The following DGKB variants were observed in gnomAD, a reference collection of about 807,000 sequenced individuals.
DGKB encodes diacylglycerol kinase beta, also known as 90 kDa diacylglycerol kinase.
A neutral mutation model predicts 114.3 loss-of-function variants in DGKB; 67 were observed. The observed-to-expected ratio is 0.59, with a 90% CI of 0.48 to 0.72. The LOEUF is 0.72. DGKB is among the 30% of genes least tolerant of loss of function. The pLI is 0.00. For synonymous variants in DGKB, 398 were observed against 323.1 expected (o/e 1.23, Z -2.49); for missense variants, 907 against 975.2 (o/e 0.93, Z 0.93).
chr7:14,373,531 C>G (rs1818008955), intron 21 of DGKB, among the ~76,000 whole-genome samples: 2 of 152,140 alleles, frequency 1.3e-5, no homozygotes, highest in Admixed American at 1.3e-4. Flanking sequence ...CTAGTCTCAT[C>G]AAAGCTCTGA....
intron 20 of DGKB, among the ~76,000 whole-genome samples, chr7:14,485,863 C>G (rs1783721619): frequency 6.7e-6 from 1 of 148,752 alleles, no homozygotes; most frequent in Middle Eastern, 3.5e-3. Flanking sequence ...TGCACTCTGG[C>G]CTGGGTAACA....
At chr7:14,491,993 C>T (rs1367013723) in intron 20 of DGKB, among the ~76,000 whole-genome samples, 2 of 152,004 alleles carry the variant, frequency 1.3e-5, no homozygotes, top group African/African-American at 4.8e-5. Context: ...ACTCCCATAA[C>T]ACTAAACTAG....
intron 1 of DGKB, among the ~76,000 whole-genome samples, chr7:14,860,751 GTCTT>G (rs1198514216): frequency 2.0e-5 from 3 of 151,818 alleles, no homozygotes; most frequent in African/African-American, 7.2e-5. Flanking sequence ...CTTGGCTTGA[GTCTT>G]TCCCTAGGGC....
chr7:14,907,951 G>A (rs1032493147), upstream of DGKB, among the ~76,000 whole-genome samples: 19 of 152,262 alleles, frequency 1.2e-4, 1 homozygote, highest in South Asian at 2.3e-3. Context: ...AGCAAAACAC[G>A]ATTTAAAGCA....
At chr7:14,583,199 T>G in intron 17 of DGKB, 62 bp from the exon 18 acceptor site, 1 of 1,010,770 alleles carries the variant, frequency 9.9e-7, no homozygotes. Context: ...TTTTCAGTTT[T>G]GTATCATTAA....
chr7:14,537,598 A>G (rs1166488837), intron 20 of DGKB, among the ~76,000 whole-genome samples: 1 of 152,220 alleles, frequency 6.6e-6, no homozygotes, highest in Non-Finnish European at 1.5e-5. Flanking sequence ...AAAGAATGAA[A>G]TCAGACACTT....
intron 2 of DGKB, among the ~76,000 whole-genome samples, chr7:14,778,783 G>A (rs1295735343): frequency 3.3e-5 from 5 of 152,150 alleles, no homozygotes; most frequent in Admixed American, 6.5e-5. Flanking sequence ...GCACATTTTT[G>A]TGACTTTTAA....
chr7:14,789,226 A>G (rs187744547), intron 2 of DGKB, among the ~76,000 whole-genome samples: 1 of 152,268 alleles, frequency 6.6e-6, no homozygotes, highest in African/African-American at 2.4e-5. Context: ...CAGAATATTG[A>G]CATTGATATG....
intron 21 of DGKB, among the ~76,000 whole-genome samples, chr7:14,465,961 A>T (rs1191021299): frequency 2.0e-5 from 3 of 152,180 alleles, no homozygotes; most frequent in African/African-American, 7.2e-5. Flanking sequence ...TCGGATTTGC[A>T]TGAGTTGGAA....
chr7:14,371,315 T>C (rs1583466498), intron 21 of DGKB, among the ~76,000 whole-genome samples: 2 of 152,302 alleles, frequency 1.3e-5, no homozygotes, highest in Middle Eastern at 6.8e-3. Flanking sequence ...CCCTTTTCTC[T>C]GCAGCCTCAC....
At chr7:14,294,839 A>C (rs1053459722) in intron 23 of DGKB, among the ~76,000 whole-genome samples, 10 of 152,194 alleles carry the variant, frequency 6.6e-5, no homozygotes, top group Admixed American at 3.3e-4. Flanking sequence ...TGAGATAATC[A>C]GATAAGTGAC....
chr7:14,506,401 G>T (rs1219080602), intron 20 of DGKB, among the ~76,000 whole-genome samples: 1 of 152,004 alleles, frequency 6.6e-6, no homozygotes, highest in African/African-American at 2.4e-5. Flanking sequence ...GAAAAAAATA[G>T]ACTATGTAGC....
intron 23 of DGKB, among the ~76,000 whole-genome samples, chr7:14,179,801 T>A (rs142771722): frequency 3.9e-5 from 6 of 152,332 alleles, no homozygotes; most frequent in Non-Finnish European, 5.9e-5. Flanking sequence ...AGCACCGGAT[T>A]ACTCCAAGTA....
At chr7:14,729,869 A>G (rs1452106628) in intron 5 of DGKB, among the ~76,000 whole-genome samples, 2 of 152,196 alleles carry the variant, frequency 1.3e-5, no homozygotes, top group Non-Finnish European at 2.9e-5. Flanking sequence ...GAGTTTAAAT[A>G]AATAGATAGG....
At chr7:14,163,604 C>T (rs570946133) in intron 25 of DGKB, among the ~76,000 whole-genome samples, 7 of 152,286 alleles carry the variant, frequency 4.6e-5, no homozygotes, top group African/African-American at 1.7e-4. Flanking sequence ...AAAACATATA[C>T]TCACAAGAAC....
intron 23 of DGKB, among the ~76,000 whole-genome samples, chr7:14,285,022 TAAAA>T (rs1298466193): frequency 1.3e-5 from 1 of 75,700 alleles, no homozygotes; most frequent in Non-Finnish European, 3.3e-5. Context: ...AATAAAAAAA[TAAAA>T]AAATAATAAA....
In DGKB at chr7:14,397,738, T is replaced by G. The variant is rs536605426; in HGVS notation, c.1836-52347A>C. ...ACGTTTTGTTTCATGTTGCTTCTCT[T>G]GTACTTCTTAGCTTTCATGCAAAAA... On this transcript the variant is annotated intron_variant, in intron 21 of 25. Coordinates refer to ENST00000402815, the MANE Select transcript of DGKB (RefSeq NM_001350709.2). Among the ~76,000 whole-genome samples the G allele has an allele frequency of 2.0e-5, 3 of 151,920 alleles. No individual in the cohort carries two copies. The South Asian group carries it at 6.2e-4, about 31-fold the overall frequency.
At chr7:14,634,324 C>A (rs969135373) in intron 13 of DGKB, among the ~76,000 whole-genome samples, 2 of 151,372 alleles carry the variant, frequency 1.3e-5, no homozygotes, top group African/African-American at 4.8e-5. Flanking sequence ...CTAACCCAGG[C>A]TCTATTTATT....
chr7:14,781,884 TTTC>T (rs1839153193), intron 2 of DGKB, among the ~76,000 whole-genome samples: 1 of 152,158 alleles, frequency 6.6e-6, no homozygotes, highest in Admixed American at 6.5e-5. Flanking sequence ...AAAATGGTAT[TTTC>T]TTTCCTCTCT....
Sources: gnomAD v4.1 joint callset for allele counts (sites outside exome capture counted in the v4.1 genomes callset) on GRCh38, gnomAD v4.1.1 for gene constraint, MANE v1.5 for transcripts, NCBI Gene and HGNC (gene_info 2026-07-23, HGNC 2026-07-21) for gene names.